Variants in BBS4 observed in about 807,000 individuals in gnomAD.
BBS4 encodes the protein Bardet-Biedl syndrome 4.
A neutral mutation model predicts 71.4 loss-of-function variants in BBS4; 58 were observed. That is an observed-to-expected ratio of 0.81 (90% CI 0.66 to 1.01). BBS4 has a LOEUF of 1.01. Among genes scored for constraint, BBS4 ranks in the 50% least tolerant of loss-of-function variants. BBS4 has a pLI of 0.00. For synonymous variants in BBS4, 228 were observed against 216.8 expected (o/e 1.05, Z -0.46); for missense variants, 660 against 607.9 (o/e 1.09, Z -0.90).
At chr15:72,699,291 T>G (rs1225564654) in intron 2 of BBS4, among the ~76,000 whole-genome samples, 1 of 152,180 alleles carries the variant, frequency 6.6e-6, no homozygotes, top group Non-Finnish European at 1.5e-5. Context: ...TTTCACTATG[T>G]TGGCCAGACT....
chr15:72,720,202 C>T (rs2065543542), intron 6 of BBS4, among the ~76,000 whole-genome samples: 1 of 151,910 alleles, frequency 6.6e-6, no homozygotes, highest in East Asian at 1.9e-4. Flanking sequence ...CTTATAGTAG[C>T]TGGAGCATGG....
At position 72,737,490 on chromosome 15, in the gene BBS4, C is replaced by T; in HGVS notation, c.1463C>T (p.Thr488Ile). The T allele has an allele frequency of 2.5e-6, 4 of 1,612,270 alleles. No homozygotes were observed. Among genetic ancestry groups the T allele is most frequent in the Non-Finnish European group, 8.5e-7 (1 of 1,179,224 alleles). The change falls in exon 16 of 16, where the codon ACA (threonine) becomes ATA (isoleucine). Residue 488 changes from threonine (T) to isoleucine (I), a missense_variant. Coordinates refer to ENST00000268057, the MANE Select transcript of BBS4 (RefSeq NM_033028.5). ...YRTLPSGAGG[T>I]SQFTKPPSLP... ...ATTTTGTTACTAGGTGCTGGAGGAA[C>T]ATCCCAGTTCACAAAGCCCCCATCT... is the stretch of plus-strand genomic sequence containing the variant.
chr15:72,686,226 A>G lies in BBS4; in HGVS notation c.-2A>G. The G allele has an allele frequency of 6.4e-7, 1 of 1,564,220 alleles. No individual in the cohort carries two copies. The highest frequency in any genetic ancestry group is 8.7e-7 in the Non-Finnish European group (1 of 1,155,216). ...GGCCGCGCAGCGGTGGGCTGAGCTAAAATGGCTGAGGAGAGAGTCGCGACG... is the reference window on the plus strand; with the variant it reads ...GGCCGCGCAGCGGTGGGCTGAGCTAGAATGGCTGAGGAGAGAGTCGCGACG... On this transcript the variant is annotated 5_prime_UTR_variant, in exon 1 of 16. Coordinates refer to ENST00000268057, the MANE Select transcript of BBS4 (RefSeq NM_033028.5).
intron 1 of BBS4, among the ~76,000 whole-genome samples, chr15:72,688,172 A>C (rs2052897946): frequency 6.6e-6 from 1 of 151,852 alleles, no homozygotes; most frequent in Non-Finnish European, 1.5e-5. Context: ...TGTTTGTGTA[A>C]TAGAATATGA....
At chr15:72,720,158 T>C (rs1251087351) in intron 6 of BBS4, among the ~76,000 whole-genome samples, 1 of 151,866 alleles carries the variant, frequency 6.6e-6, no homozygotes, top group African/African-American at 2.4e-5. Context: ...AGCCCTTACC[T>C]ACCCTACATA....
intron 3 of BBS4, among the ~76,000 whole-genome samples, chr15:72,710,195 G>T (rs76370231): frequency 9.7e-6 from 1 of 103,442 alleles, no homozygotes; most frequent in South Asian, 3.4e-4. Flanking sequence ...ATTTTGTCGA[G>T]TTTTTTTTTT....
chr15:72,716,269 T>A (rs974710639), intron 5 of BBS4, among the ~76,000 whole-genome samples: 8 of 152,162 alleles, frequency 5.3e-5, no homozygotes, highest in Non-Finnish European at 2.9e-5. Flanking sequence ...TTTCAGTCCT[T>A]TGTTCCATGG....
At chr15:72,717,142 A>C in intron 6 of BBS4, 1 of 400,580 alleles carries the variant, frequency 2.5e-6, no homozygotes, top group Non-Finnish European at 4.6e-6. Flanking sequence ...GGAATTCCAC[A>C]GTATCAGCAA....
intron 2 of BBS4, among the ~76,000 whole-genome samples, chr15:72,699,708 T>G (rs1053849038): frequency 3.9e-5 from 6 of 152,242 alleles, no homozygotes; most frequent in Non-Finnish European, 5.9e-5. Context: ...TAATAAGTTG[T>G]GCTTGAACTT....
chr15:72,731,753 T>C (rs1440260261), intron 12 of BBS4, 27 bp downstream of exon 12: 3 of 1,613,158 alleles, frequency 1.9e-6, no homozygotes, highest in Non-Finnish European at 2.5e-6. Flanking sequence ...TGGAAAACTC[T>C]CTCTGCCATC....
intron 2 of BBS4, among the ~76,000 whole-genome samples, chr15:72,697,228 C>T (rs539846700): frequency 6.6e-6 from 1 of 152,186 alleles, no homozygotes; most frequent in Non-Finnish European, 1.5e-5. Flanking sequence ...CCACTGCATC[C>T]AGCCCAATAT....
intron 7 of BBS4, among the ~76,000 whole-genome samples, chr15:72,723,065 A>G (rs2151032770): frequency 6.6e-6 from 1 of 152,220 alleles, no homozygotes; most frequent in East Asian, 1.9e-4. Context: ...TAGAAATATG[A>G]GGGAATGGCA....
rs553147238 is a variant in BBS4 at position 72,696,629 on chromosome 15, C to T, written c.76+1401C>T. 8.5e-5 allele frequency among the ~76,000 whole-genome samples: 13 copies of T among 152,294 alleles called. No individual in the cohort carries two copies. In the East Asian group the frequency reaches 1.7e-3, roughly 20 times the overall value. Reference sequence around the variant, plus strand: ...ATTATTATTTTGAGAGAGAGGGTCTCGCTCTGTCACCCAAGCTAGAGTGCA... The same window carrying T: ...ATTATTATTTTGAGAGAGAGGGTCTTGCTCTGTCACCCAAGCTAGAGTGCA... On this transcript the variant is annotated intron_variant, in intron 2 of 15. Coordinates refer to ENST00000268057, the MANE Select transcript of BBS4 (RefSeq NM_033028.5).
chr15:72,714,014 C>G (rs990049198), intron 4 of BBS4, among the ~76,000 whole-genome samples: 2 of 151,984 alleles, frequency 1.3e-5, no homozygotes, highest in African/African-American at 4.8e-5. Context: ...GGAATGGATG[C>G]TTAGGATTCC....
chr15:72,727,799 C>A (rs1595942324), intron 8 of BBS4, 141 bp from the exon 9 acceptor site: 7 of 701,028 alleles, frequency 1.0e-5, no homozygotes, highest in Admixed American at 4.2e-5. Flanking sequence ...TGGCAATTCC[C>A]AAATTGCCTT....
At chr15:72,737,211 C>G in intron 15 of BBS4, 1 of 613,438 alleles carries the variant, frequency 1.6e-6, no homozygotes, top group Non-Finnish European at 2.9e-6. Context: ...CCAATTTTAG[C>G]AATATGTTAT....
In BBS4 at chr15:72,715,382, C is replaced by G; in HGVS notation, c.312C>G (p.Leu104=). 1 of 1,613,726 alleles carries G rather than the reference C, an allele frequency of 6.2e-7. No homozygotes were observed. Among genetic ancestry groups the G allele is most frequent in the Non-Finnish European group, 8.5e-7 (1 of 1,179,644 alleles). The change falls in exon 5 of 16, where the codon CTC becomes CTG. Residue 104 remains leucine, a synonymous_variant. Transcript: ENST00000268057. The part of the protein sequence containing the change: ...AVLSPQSADN[L]KQVARSLFLL... Reference sequence around the variant, plus strand: ...TTAGTCCTCAGAGTGCTGATAACCTCAAGCAGGTGGCCAGATCTTTGTGAG... The same window carrying G: ...TTAGTCCTCAGAGTGCTGATAACCTGAAGCAGGTGGCCAGATCTTTGTGAG...
intron 3 of BBS4, among the ~76,000 whole-genome samples, chr15:72,710,463 G>T (rs1363781331): frequency 6.6e-6 from 1 of 152,100 alleles, no homozygotes; most frequent in Non-Finnish European, 1.5e-5. Flanking sequence ...GCCTCCCAAA[G>T]TGCTGGGATT....
rs1214134464 is a variant in BBS4 at position 72,717,911 on chromosome 15, T to C, written c.405+1061T>C. ...TTGCCCAGGCTGGAGTGCAGTGGCGTGATCTCGGCTCACTGCAACCTCTTT... is the reference window on the plus strand; with the variant it reads ...TTGCCCAGGCTGGAGTGCAGTGGCGCGATCTCGGCTCACTGCAACCTCTTT... On this transcript the variant is annotated intron_variant, in intron 6 of 15. Transcript: ENST00000268057. Among the ~76,000 whole-genome samples, 6 of 152,124 alleles carry C rather than the reference T, an allele frequency of 3.9e-5. 1 individual carries two copies. In the South Asian group the frequency reaches 8.3e-4, roughly 21 times the overall value.
Sources: gnomAD v4.1 joint callset for allele counts (sites outside exome capture counted in the v4.1 genomes callset) on GRCh38, gnomAD v4.1.1 for gene constraint, MANE v1.5 for transcripts, NCBI Gene and HGNC (gene_info 2026-07-23, HGNC 2026-07-21) for gene names.